TNKS2: variants seen among roughly 807,000 people sequenced by gnomAD.
TNKS2 encodes the protein poly [ADP-ribose] polymerase tankyrase-2.
In TNKS2, 72 loss-of-function variants were observed where a neutral mutation model predicts 137.6. That is an observed-to-expected ratio of 0.52 (90% confidence interval 0.43 to 0.64). The LOEUF is 0.64. TNKS2 is among the 30% of genes least tolerant of loss of function. TNKS2 has a pLI of 0.00. For synonymous variants in TNKS2, 516 were observed against 512.1 expected (o/e 1.01, Z -0.10); for missense variants, 1,049 against 1,410.2 (o/e 0.74, Z 4.10).
At chr10:91,854,918 TAAAA>T in intron 21 of TNKS2, 107 bp from the exon 22 acceptor site, 1 of 453,034 alleles carries the variant, frequency 2.2e-6, no homozygotes, top group Non-Finnish European at 3.8e-6. Context: ...AAAAAAAGTT[TAAAA>T]AAAAAAATTG....
intron 1 of TNKS2, among the ~76,000 whole-genome samples, chr10:91,806,645 T>A (rs75736822): frequency 0.094 from 14,335 of 152,188 alleles, 766 homozygotes; most frequent in East Asian, 0.19. Flanking sequence ...TACTTTTAGA[T>A]ATAATTGAGA....
chr10:91,828,401 G>A lies in TNKS2; in HGVS notation c.1099G>A (p.Ala367Thr). 1 of 1,572,012 alleles carries A rather than the reference G, an allele frequency of 6.4e-7. No homozygotes were observed. The highest frequency in any genetic ancestry group is 8.6e-7 in the Non-Finnish European group (1 of 1,163,026). ...NFKHPQTHET[A>T]LHCAAASPYP... ...CAAGCATCCTCAAACACATGAAACAGCATTGGTAATGTTTCAGATTTAAGT... is the reference window on the plus strand; with the variant it reads ...CAAGCATCCTCAAACACATGAAACAACATTGGTAATGTTTCAGATTTAAGT... The change falls in exon 9 of 27, where the codon GCA (alanine) becomes ACA (threonine). Residue 367 changes from alanine (A) to threonine (T), a missense_variant. Physicochemically the swap from Ala to Thr is moderately conservative, Grantham distance 58. Around this residue, in one of 6 missense-constraint regions of TNKS2, gnomAD observed 374 missense variants for 460.8 expected, o/e 0.81. Coordinates refer to ENST00000371627, the MANE Select transcript of TNKS2 (RefSeq NM_025235.4).
intron 12 of TNKS2, among the ~76,000 whole-genome samples, chr10:91,834,912 T>C (rs1267880576): frequency 6.6e-6 from 1 of 152,248 alleles, no homozygotes; most frequent in East Asian, 1.9e-4. Flanking sequence ...TTTACTTGCC[T>C]TTCCAACTAG....
chr10:91,850,362 G>A (rs1372280041), intron 20 of TNKS2, among the ~76,000 whole-genome samples: 2 of 126,546 alleles, frequency 1.6e-5, no homozygotes, highest in Non-Finnish European at 3.3e-5. Flanking sequence ...AGCAAGACTC[G>A]GTCTCAAAAA....
chr10:91,846,199 C>G (rs1460482403), intron 18 of TNKS2, among the ~76,000 whole-genome samples: 1 of 152,132 alleles, frequency 6.6e-6, no homozygotes, highest in African/African-American at 2.4e-5. Flanking sequence ...CATGATATAA[C>G]TGCTTACGTT....
At chr10:91,838,675 T>C (rs1172979301) in intron 13 of TNKS2, among the ~76,000 whole-genome samples, 1 of 152,188 alleles carries the variant, frequency 6.6e-6, no homozygotes, top group Non-Finnish European at 1.5e-5. Context: ...AATGGGGCCC[T>C]GAATCTGTAT....
At chr10:91,820,252 C>T (rs1378835447) in intron 6 of TNKS2, among the ~76,000 whole-genome samples, 1 of 152,088 alleles carries the variant, frequency 6.6e-6, no homozygotes, top group East Asian at 1.9e-4. Flanking sequence ...GAAAAGATAC[C>T]TAAGAATACA....
chr10:91,833,847 G>A lies in TNKS2; in HGVS notation c.1276-6G>A. The A allele has an allele frequency of 6.4e-7, 1 of 1,570,288 alleles. No homozygotes were observed. The highest frequency in any genetic ancestry group is 8.6e-7 in the Non-Finnish European group (1 of 1,161,640). Reference sequence around the variant, plus strand: ...GGCTAATTTCAATTTTTTCTGCTTTGTTAAGGTTAATGCTCTGGATAATCT... The same window carrying A: ...GGCTAATTTCAATTTTTTCTGCTTTATTAAGGTTAATGCTCTGGATAATCT... On this transcript the variant is annotated splice_polypyrimidine_tract_variant and splice_region_variant and intron_variant, in intron 11 of 26. Coordinates refer to ENST00000371627, the MANE Select transcript of TNKS2 (RefSeq NM_025235.4).
At chr10:91,802,960 C>G (rs1844216336) in intron 1 of TNKS2, among the ~76,000 whole-genome samples, 1 of 152,206 alleles carries the variant, frequency 6.6e-6, no homozygotes, top group South Asian at 2.1e-4. Flanking sequence ...TACCTTTGCC[C>G]TCAGCGCTTG....
chr10:91,804,151 G>C (rs902370532), intron 1 of TNKS2, among the ~76,000 whole-genome samples: 1 of 151,978 alleles, frequency 6.6e-6, no homozygotes, highest in African/African-American at 2.4e-5. Context: ...GCTTTTCTCT[G>C]TTTTCACAAA....
chr10:91,860,085 A>C (rs940067611), intron 25 of TNKS2, among the ~76,000 whole-genome samples: 1 of 152,210 alleles, frequency 6.6e-6, no homozygotes, highest in African/African-American at 2.4e-5. Context: ...CTCAATTTGC[A>C]ATATTACTAT....
chr10:91,827,139 C>T lies in TNKS2; in HGVS notation c.918C>T (p.Leu306=), dbSNP rs1845093981. Reference sequence around the variant, plus strand: ...GTTATGGTGCAGACCCAACACTGCTCAATTGTCACAATAAAAGTGCTATAG... The same window carrying T: ...GTTATGGTGCAGACCCAACACTGCTTAATTGTCACAATAAAAGTGCTATAG... ...LLSYGADPTL[L]NCHNKSAIDL... Residue 306 remains leucine (L), a synonymous_variant, in exon 8 of 27, where the codon CTC becomes CTT. Transcript: ENST00000371627. The T allele has an allele frequency of 6.2e-7, 1 of 1,606,420 alleles. No individual in the cohort carries two copies. The highest frequency in any genetic ancestry group is 8.5e-7 in the Non-Finnish European group (1 of 1,176,124).
At position 91,856,686 on chromosome 10, in the gene TNKS2, T is replaced by TTTG. The variant is rs985001967; in HGVS notation, c.2989-727_2989-725dup. Among the ~76,000 whole-genome samples the TTTG allele has an allele frequency of 5.9e-5, 9 of 152,300 alleles. 1 individual carries two copies. The East Asian group carries it at 7.7e-4, about 13-fold the overall frequency. ...TTTTTCAGTGATGAAACGGGTTTTT[T>TTTG]TTGTTGTTGTTGTTCCTTTTTAATG... On this transcript the variant is annotated intron_variant, in intron 23 of 26. Transcript: ENST00000371627.
intron 22 of TNKS2, among the ~76,000 whole-genome samples, chr10:91,855,412 T>G (rs1053510745): frequency 1.3e-5 from 2 of 152,200 alleles, no homozygotes; most frequent in South Asian, 2.1e-4. Flanking sequence ...GGTCTTGAAC[T>G]CCTGAGCTCA....
chr10:91,859,753 A>G, intron 25 of TNKS2, 105 bp downstream of exon 25: 1 of 884,594 alleles, frequency 1.1e-6, no homozygotes, highest in South Asian at 2.1e-5. Flanking sequence ...AATGCAAGCT[A>G]GGCATGTTTT....
At chr10:91,855,783 G>T in intron 23 of TNKS2, 95 bp downstream of exon 23, 1 of 843,636 alleles carries the variant, frequency 1.2e-6, no homozygotes, top group South Asian at 1.9e-5. Context: ...TGTCTAGCCT[G>T]GTAAGTCCTT....
rs991721424 is a variant in TNKS2 at position 91,864,003 on chromosome 10, C to T, written c.*1004C>T. On this transcript the variant is annotated 3_prime_UTR_variant, in exon 27 of 27. Coordinates refer to ENST00000371627, the MANE Select transcript of TNKS2 (RefSeq NM_025235.4). ...TAAAGGGGAAAAAAAAAATCACAAACAGGACTGGGTAGTTTTTTATCCTAA... is the reference window on the plus strand; with the variant it reads ...TAAAGGGGAAAAAAAAAATCACAAATAGGACTGGGTAGTTTTTTATCCTAA... The T allele has an allele frequency of 1.3e-5, 2 of 152,058 alleles. No individual in the cohort carries two copies. Among genetic ancestry groups the T allele is most frequent in the Middle Eastern group, 3.4e-3 (1 of 294 alleles). The allele number at this position is 152,058 out of a possible 1,614,324, so 9.4% of individuals were successfully genotyped here. A position where few individuals can be genotyped will look rare whatever the true frequency, so the allele number is the denominator to read the frequency against.
intron 16 of TNKS2, among the ~76,000 whole-genome samples, chr10:91,843,354 TTCTA>T (rs1356768504): frequency 6.6e-6 from 1 of 152,162 alleles, no homozygotes; most frequent in African/African-American, 2.4e-5. Context: ...TGGTGTCTCT[TTCTA>T]TATGTCCTAG....
chr10:91,860,000 A>G (rs1842811529), intron 25 of TNKS2, among the ~76,000 whole-genome samples: 1 of 152,180 alleles, frequency 6.6e-6, no homozygotes, highest in Non-Finnish European at 1.5e-5. Context: ...AAATGCTAAA[A>G]TGGCATTATT....
Sources: allele counts gnomAD v4.1 joint callset (sites outside exome capture counted in the v4.1 genomes callset), GRCh38; gene constraint gnomAD v4.1.1; regional missense constraint gnomAD v4.1.1; transcripts MANE v1.5; gene names NCBI Gene and HGNC (gene_info 2026-07-23, HGNC 2026-07-21).